UCHL3: variants seen among roughly 807,000 people sequenced by gnomAD.
UCHL3 encodes ubiquitin C-terminal hydrolase L3.
In UCHL3, 22 loss-of-function variants were observed where a neutral mutation model predicts 35.8. The ratio of observed to expected loss-of-function variants is 0.61; its 90% CI spans 0.44 to 0.88. The LOEUF (loss-of-function observed/expected upper bound fraction) is 0.88. Ranked by LOEUF, UCHL3 falls within the 40% of genes least tolerant of loss-of-function variation. The pLI, the probability that UCHL3 is intolerant of heterozygous loss-of-function variation, is 0.00. For synonymous variants in UCHL3, 90 were observed against 92.8 expected, an observed-to-expected ratio of 0.97 and a Z score of 0.17; for missense variants, 229 against 276.9, an observed-to-expected ratio of 0.83 and a Z score of 1.23.
At chr13:75,550,039 G>A (rs1593966732) in intron 2 of UCHL3, 52 bp downstream of exon 2, 1 of 1,613,486 alleles carries the variant, frequency 6.2e-7, no homozygotes, top group Non-Finnish European at 8.5e-7. Flanking sequence ...TGTCTGCTCG[G>A]TCCGCTTCCC....
chr13:75,587,504 G>A (rs1283253989), intron 6 of UCHL3, among the ~76,000 whole-genome samples: 9 of 152,068 alleles, frequency 5.9e-5, no homozygotes, highest in Middle Eastern at 3.4e-3. Flanking sequence ...TTAGTCCTAG[G>A]AAATACTGAA....
intron 3 of UCHL3, 84 bp downstream of exon 3, chr13:75,560,965 C>A: frequency 7.7e-7 from 1 of 1,296,966 alleles, no homozygotes; most frequent in South Asian, 1.6e-5. Flanking sequence ...GTATCTCGCT[C>A]TGTTGCCTAG....
chr13:75,568,836 ATATT>A (rs2031768479), intron 5 of UCHL3, among the ~76,000 whole-genome samples: 1 of 152,132 alleles, frequency 6.6e-6, no homozygotes, highest in African/African-American at 2.4e-5. Flanking sequence ...TAAGGCTTGG[ATATT>A]TATTTATTGC....
intron 6 of UCHL3, among the ~76,000 whole-genome samples, chr13:75,586,292 G>C (rs1370334249): frequency 6.6e-6 from 1 of 151,956 alleles, no homozygotes; most frequent in Non-Finnish European, 1.5e-5. Context: ...TAAGGATAAA[G>C]AGGTTATCTC....
intron 2 of UCHL3, among the ~76,000 whole-genome samples, chr13:75,559,418 A>T (rs1410143627): frequency 2.0e-5 from 3 of 152,144 alleles, no homozygotes; most frequent in Non-Finnish European, 4.4e-5. Flanking sequence ...TCTTCTAAGA[A>T]AGTTTTTATA....
intron 6 of UCHL3, among the ~76,000 whole-genome samples, chr13:75,592,779 G>A (rs1304426927): frequency 6.6e-6 from 1 of 151,770 alleles, no homozygotes; most frequent in Non-Finnish European, 1.5e-5. Flanking sequence ...TGTATTTTTA[G>A]TATGCACTTT....
upstream of UCHL3, chr13:75,549,749 C>A: frequency 2.8e-6 from 4 of 1,446,738 alleles, no homozygotes; most frequent in Non-Finnish European, 3.6e-6. Flanking sequence ...CAGGTCAAGG[C>A]GCGCGTGGGC....
At chr13:75,572,816 C>T (rs2031904280) in intron 6 of UCHL3, among the ~76,000 whole-genome samples, 1 of 152,154 alleles carries the variant, frequency 6.6e-6, no homozygotes, top group South Asian at 2.1e-4. Context: ...GTTTTGTGCA[C>T]TCCAGGGTGG....
intron 2 of UCHL3, among the ~76,000 whole-genome samples, chr13:75,558,004 C>T (rs921722951): frequency 6.8e-6 from 1 of 148,008 alleles, no homozygotes; most frequent in Non-Finnish European, 1.5e-5. Flanking sequence ...AGTTGACCCT[C>T]TTCTCTACCC....
chr13:75,583,246 T>A (rs768599459), intron 6 of UCHL3, among the ~76,000 whole-genome samples: 1 of 152,228 alleles, frequency 6.6e-6, no homozygotes, highest in Non-Finnish European at 1.5e-5. Context: ...TATATTGATA[T>A]GCTATCCTAT....
intron 2 of UCHL3, 92 bp downstream of exon 2, chr13:75,550,079 A>T (rs1000789681): frequency 8.2e-6 from 13 of 1,589,562 alleles, no homozygotes; most frequent in African/African-American, 5.4e-5. Context: ...GCTTCCAGGG[A>T]TTCTGGGATT....
rs542491686 is a variant in UCHL3, at chr13:75,601,972, G to A, written c.551-2797G>A. 5.9e-5 allele frequency among the ~76,000 whole-genome samples: 9 copies of A among 152,154 alleles called. No homozygotes were observed. In the South Asian group the frequency reaches 1.7e-3, roughly 28 times the overall value. Reference sequence around the variant, plus strand: ...AAAATACAAAAAATTAGCTGGGTGTGGTGGTGGGTGCCTGTAGTCCCAGCT... The same window carrying A: ...AAAATACAAAAAATTAGCTGGGTGTAGTGGTGGGTGCCTGTAGTCCCAGCT... On this transcript the variant is annotated intron_variant, in intron 7 of 8. Coordinates refer to ENST00000377595, the MANE Select transcript of UCHL3 (RefSeq NM_006002.5).
intron 6 of UCHL3, among the ~76,000 whole-genome samples, chr13:75,571,920 C>G (rs2031869390): frequency 6.6e-6 from 1 of 151,930 alleles, no homozygotes; most frequent in Non-Finnish European, 1.5e-5. Flanking sequence ...ATTCCTCAAG[C>G]CTGTGCAGTC....
intron 7 of UCHL3, among the ~76,000 whole-genome samples, chr13:75,600,527 T>C (rs1025914770): frequency 6.6e-6 from 1 of 152,208 alleles, no homozygotes; most frequent in African/African-American, 2.4e-5. Context: ...TCTCTGCCTA[T>C]GTTCTATAAA....
chr13:75,560,688 G>A, intron 2 of UCHL3, 65 bp from the exon 3 acceptor site: 1 of 1,429,902 alleles, frequency 7.0e-7, no homozygotes, highest in Middle Eastern at 2.1e-4. Context: ...ACTATGTATA[G>A]TATACTAGTT....
At chr13:75,600,783 A>C (rs1321018878) in intron 7 of UCHL3, among the ~76,000 whole-genome samples, 1 of 152,172 alleles carries the variant, frequency 6.6e-6, no homozygotes, top group African/African-American at 2.4e-5. Flanking sequence ...TTAGACTTTC[A>C]TTTCTTGTTA....
chr13:75,590,681 G>C (rs749852276), intron 6 of UCHL3, among the ~76,000 whole-genome samples: 1 of 152,020 alleles, frequency 6.6e-6, no homozygotes, highest in East Asian at 1.9e-4. Flanking sequence ...CAGGTACTTG[G>C]TTTAATCTTG....
At chr13:75,584,801 T>C (rs2032279056) in intron 6 of UCHL3, among the ~76,000 whole-genome samples, 1 of 151,966 alleles carries the variant, frequency 6.6e-6, no homozygotes, top group Admixed American at 6.6e-5. Flanking sequence ...TAATGAAAAA[T>C]ACGGTACTAG....
chr13:75,553,129 CAT>C (rs1201615502), intron 2 of UCHL3, among the ~76,000 whole-genome samples: 3 of 152,278 alleles, frequency 2.0e-5, no homozygotes, highest in Middle Eastern at 3.4e-3. Flanking sequence ...ATAAATAAAT[CAT>C]ATAAATTCTC....
Sources: allele counts gnomAD v4.1 joint callset (sites outside exome capture counted in the v4.1 genomes callset), GRCh38; gene constraint gnomAD v4.1.1; transcripts MANE v1.5; gene names NCBI Gene and HGNC (gene_info 2026-07-23, HGNC 2026-07-21).